The following EHBP1 variants were observed in gnomAD, a reference collection of about 807,000 sequenced individuals.
EHBP1 encodes the protein EH domain binding protein 1, also known as EH domain-binding protein 1.
In EHBP1, 55 loss-of-function variants were observed where a neutral mutation model predicts 144.0. That is an observed-to-expected ratio of 0.38 (90% CI 0.31 to 0.48). EHBP1 has a LOEUF of 0.48. Among genes scored for constraint, EHBP1 ranks in the 20% least tolerant of loss-of-function variants. The pLI, the probability that EHBP1 is intolerant of heterozygous loss-of-function variation, is 0.98. For synonymous variants in EHBP1, 469 were observed against 472.7 expected (o/e 0.99, Z 0.10); for missense variants, 1,200 against 1,364.2 (o/e 0.88, Z 1.90).
chr2:62,999,916 A>G (rs559194503), intron 19 of EHBP1, among the ~76,000 whole-genome samples: 1 of 152,360 alleles, frequency 6.6e-6, no homozygotes, highest in South Asian at 2.1e-4. Context: ...AACATTTTCC[A>G]AAAGAAACAC....
At chr2:62,748,888 C>T (rs1177941322) in intron 3 of EHBP1, among the ~76,000 whole-genome samples, 2 of 152,070 alleles carry the variant, frequency 1.3e-5, no homozygotes, top group Non-Finnish European at 2.9e-5. Flanking sequence ...GTGTAATACA[C>T]AGATCTTAAT....
intron 14 of EHBP1, among the ~76,000 whole-genome samples, chr2:62,958,387 A>G (rs1475126360): frequency 1.3e-5 from 2 of 152,218 alleles, no homozygotes; most frequent in African/African-American, 2.4e-5. Flanking sequence ...CAGCAATACA[A>G]AGGAACAGGA....
At chr2:62,894,542 A>T (rs2052724299) in intron 10 of EHBP1, among the ~76,000 whole-genome samples, 2 of 152,160 alleles carry the variant, frequency 1.3e-5, no homozygotes, top group Admixed American at 6.6e-5. Flanking sequence ...AGGTGGGCAA[A>T]TGCATTGAAG....
At chr2:63,001,504 G>A (rs887675507) in intron 19 of EHBP1, among the ~76,000 whole-genome samples, 6 of 152,024 alleles carry the variant, frequency 3.9e-5, no homozygotes, top group African/African-American at 1.4e-4. Context: ...TTTAAAGCAG[G>A]GAATAGGGCC....
intron 12 of EHBP1, among the ~76,000 whole-genome samples, chr2:62,946,347 C>T (rs1244463923): frequency 2.0e-5 from 3 of 152,142 alleles, no homozygotes; most frequent in Non-Finnish European, 4.4e-5. Flanking sequence ...ATTAAATCTT[C>T]CAGTACAGAC....
intron 9 of EHBP1, among the ~76,000 whole-genome samples, chr2:62,868,146 G>A (rs538726729): frequency 9.9e-5 from 15 of 152,160 alleles, no homozygotes; most frequent in South Asian, 6.2e-4. Context: ...AGGCCGAGGC[G>A]GGCGGATCAC....
chr2:62,745,387 A>G (rs752134543), intron 2 of EHBP1, among the ~76,000 whole-genome samples: 17 of 141,830 alleles, frequency 1.2e-4, no homozygotes, highest in Non-Finnish European at 1.7e-4. Context: ...AGAATATGGA[A>G]TGGGTGGGAG....
Position 62,754,959 on chromosome 2 carries a change from G to C in EHBP1, c.162+7507G>C, listed in dbSNP as rs147939769. On this transcript the variant is annotated intron_variant, in intron 3 of 22. Transcript: ENST00000431489. ...CCCGGGTGAGGCAATGCCTTGCCCT[G>C]CTTCGGCTCATGCTCGATGGGCTGC... 8.6e-3 allele frequency among the ~76,000 whole-genome samples: 1,314 copies of C among 152,306 alleles called. 10 individuals carry two copies. Among genetic ancestry groups the C allele is most frequent in the Non-Finnish European group, 0.014 (947 of 68,026 alleles).
chr2:62,845,166 C>T (rs1188526345), intron 7 of EHBP1, among the ~76,000 whole-genome samples: 1 of 151,468 alleles, frequency 6.6e-6, no homozygotes, highest in Admixed American at 6.6e-5. Context: ...GGTACAGTTT[C>T]CAAGGTTCCT....
At chr2:62,708,603 A>G (rs1165533474) in intron 2 of EHBP1, among the ~76,000 whole-genome samples, 2 of 152,224 alleles carry the variant, frequency 1.3e-5, no homozygotes, top group Non-Finnish European at 2.9e-5. Context: ...ATACATTTAA[A>G]ATGCTTGGAA....
At chr2:62,745,704 G>A (rs1454476768) in intron 2 of EHBP1, among the ~76,000 whole-genome samples, 1 of 152,032 alleles carries the variant, frequency 6.6e-6, no homozygotes, top group Non-Finnish European at 1.5e-5. Flanking sequence ...AATGCACATA[G>A]GGTCTAGATA....
intron 2 of EHBP1, among the ~76,000 whole-genome samples, chr2:62,728,410 T>G (rs2037052395): frequency 6.6e-6 from 1 of 152,254 alleles, no homozygotes; most frequent in Non-Finnish European, 1.5e-5. Context: ...ACACATCTGA[T>G]TGTCTTTTTT....
Position 62,996,669 on chromosome 2 carries a change from T to C in EHBP1, c.3006T>C (p.Tyr1002=), listed in dbSNP as rs2059640789. The change falls in exon 19 of 23, where the codon TAT becomes TAC. Residue 1002 remains tyrosine (Y), a synonymous_variant. Transcript: ENST00000431489. ...LNKGFKDTSQ[Y]VVGELAALEN... ...AAGGGTTCAAAGACACCAGTCAGTATGTAGTAGGAGAATTGGCAGCACTAG... is the reference window on the plus strand; with the variant it reads ...AAGGGTTCAAAGACACCAGTCAGTACGTAGTAGGAGAATTGGCAGCACTAG... 1 of 1,613,248 alleles carries C rather than the reference T, an allele frequency of 6.2e-7. No homozygotes were observed. The highest frequency in any genetic ancestry group is 1.7e-5 in the Admixed American group (1 of 59,902).
At chr2:62,893,251 A>G (rs2052603637) in intron 10 of EHBP1, among the ~76,000 whole-genome samples, 1 of 152,354 alleles carries the variant, frequency 6.6e-6, no homozygotes, top group East Asian at 1.9e-4. Flanking sequence ...TCTTTGTGTC[A>G]TAAGTAAACT....
chr2:62,959,435 T>G (rs1006456915), intron 14 of EHBP1, among the ~76,000 whole-genome samples: 14 of 152,182 alleles, frequency 9.2e-5, no homozygotes, highest in African/African-American at 3.4e-4. Flanking sequence ...GTTTTTAATT[T>G]TTTGAGGCAC....
chr2:62,922,927 C>A (rs1335034910), intron 10 of EHBP1, among the ~76,000 whole-genome samples: 3 of 152,198 alleles, frequency 2.0e-5, no homozygotes, highest in Non-Finnish European at 4.4e-5. Flanking sequence ...ATAGTTGTTA[C>A]AACAGGAGAA....
intron 14 of EHBP1, among the ~76,000 whole-genome samples, chr2:62,964,193 A>C (rs912886542): frequency 2.6e-5 from 4 of 152,076 alleles, no homozygotes; most frequent in Non-Finnish European, 5.9e-5. Flanking sequence ...TTGTGGAGGA[A>C]AAAAAAACCT....
At chr2:62,729,615 T>TA (rs2037303242) in intron 2 of EHBP1, among the ~76,000 whole-genome samples, 1 of 134,896 alleles carries the variant, frequency 7.4e-6, no homozygotes, top group Admixed American at 8.2e-5. Flanking sequence ...AATATAATAA[T>TA]AAATAAAATA....
At chr2:62,956,927 A>G (rs185546880) in intron 14 of EHBP1, among the ~76,000 whole-genome samples, 78 of 152,280 alleles carry the variant, frequency 5.1e-4, no homozygotes, top group African/African-American at 1.7e-3. Flanking sequence ...GGGCTTCCTC[A>G]TAGCATGGTG....
Sources: allele counts gnomAD v4.1 joint callset (sites outside exome capture counted in the v4.1 genomes callset), GRCh38; gene constraint gnomAD v4.1.1; transcripts MANE v1.5; gene names NCBI Gene and HGNC (gene_info 2026-07-23, HGNC 2026-07-21).